Variants in LRRC4C observed in about 807,000 individuals in gnomAD.
The protein encoded by LRRC4C is leucine-rich repeat-containing protein 4C.
Under a neutral mutation model 33.6 loss-of-function variants are expected in LRRC4C, and 5 were observed. The observed-to-expected ratio is 0.15, with a 90% confidence interval of 0.08 to 0.31. The LOEUF is 0.31. LRRC4C is among the 10% of genes least tolerant of loss of function. The probability of loss-of-function intolerance (pLI) is 1.00; values close to 1 mark genes in which losing one functional copy is unlikely to be tolerated. For missense variants in LRRC4C, 560 were observed against 796.7 expected, an observed-to-expected ratio of 0.70 and a Z score of 3.58; for synonymous variants, 329 against 302.0, an observed-to-expected ratio of 1.09 and a Z score of -0.93.
At chr11:41,414,702 G>C (rs540709421) in intron 1 of LRRC4C, among the ~76,000 whole-genome samples, 2 of 152,082 alleles carry the variant, frequency 1.3e-5, no homozygotes, top group South Asian at 4.2e-4. Flanking sequence ...GGAGAGAAGT[G>C]GGGAGTAAAG....
chr11:40,806,880 A>G (rs1372069124), intron 2 of LRRC4C, among the ~76,000 whole-genome samples: 1 of 152,170 alleles, frequency 6.6e-6, no homozygotes, highest in Non-Finnish European at 1.5e-5. Flanking sequence ...CCAGTCTTGA[A>G]TTAAAAATGT....
At chr11:40,944,598 T>C (rs1465555914) in intron 1 of LRRC4C, among the ~76,000 whole-genome samples, 1 of 152,200 alleles carries the variant, frequency 6.6e-6, no homozygotes, top group Non-Finnish European at 1.5e-5. Context: ...CATGGGTTCT[T>C]GAACTGGATG....
chr11:40,872,007 G>A (rs1285860197), intron 2 of LRRC4C, among the ~76,000 whole-genome samples: 1 of 152,124 alleles, frequency 6.6e-6, no homozygotes, highest in African/African-American at 2.4e-5. Flanking sequence ...CTGGTTTCTA[G>A]TGCCAGAGCA....
At chr11:41,124,589 T>TA (rs1942646013) in intron 1 of LRRC4C, among the ~76,000 whole-genome samples, 1 of 123,432 alleles carries the variant, frequency 8.1e-6, no homozygotes, top group South Asian at 2.7e-4. Flanking sequence ...TTAAAATGCT[T>TA]TTTAAAAACT....
chr11:41,004,042 G>A (rs1206228223), intron 1 of LRRC4C, among the ~76,000 whole-genome samples: 1 of 151,998 alleles, frequency 6.6e-6, no homozygotes, highest in Non-Finnish European at 1.5e-5. Flanking sequence ...TAGAAAACAG[G>A]AAGTTTTCTT....
chr11:41,392,205 G>T (rs764712793), intron 1 of LRRC4C, among the ~76,000 whole-genome samples: 1 of 151,878 alleles, frequency 6.6e-6, no homozygotes, highest in African/African-American at 2.4e-5. Context: ...AGAATGACTT[G>T]CAGTGAGACT....
chr11:40,151,307 G>A (rs1858189207), intron 5 of LRRC4C, among the ~76,000 whole-genome samples: 1 of 152,044 alleles, frequency 6.6e-6, no homozygotes, highest in Admixed American at 6.5e-5. Flanking sequence ...TATTTAGATC[G>A]AGGTGATTGA....
At chr11:40,614,482 C>A (rs1017765961) in intron 3 of LRRC4C, among the ~76,000 whole-genome samples, 1 of 116,334 alleles carries the variant, frequency 8.6e-6, no homozygotes, top group Non-Finnish European at 2.0e-5. Flanking sequence ...GCCACTAGAA[C>A]TTTCTCCATA....
At chr11:40,463,745 T>G (rs1010074559) in intron 3 of LRRC4C, among the ~76,000 whole-genome samples, 1 of 152,090 alleles carries the variant, frequency 6.6e-6, no homozygotes, top group African/African-American at 2.4e-5. Flanking sequence ...TAGCTTCTTT[T>G]GGGGAATCAT....
intron 2 of LRRC4C, among the ~76,000 whole-genome samples, chr11:40,725,917 T>C (rs1014136576): frequency 6.6e-6 from 1 of 152,120 alleles, no homozygotes; most frequent in African/African-American, 2.4e-5. Context: ...TACTTATGTG[T>C]GAGCCAAGAA....
chr11:40,477,377 C>A (rs1317221524), intron 3 of LRRC4C, among the ~76,000 whole-genome samples: 1 of 152,108 alleles, frequency 6.6e-6, no homozygotes, highest in Non-Finnish European at 1.5e-5. Context: ...TACTTCCTCT[C>A]TGTAAGAAGC....
chr11:40,348,483 T>C (rs1285110513), intron 3 of LRRC4C, among the ~76,000 whole-genome samples: 1 of 152,082 alleles, frequency 6.6e-6, no homozygotes, highest in Non-Finnish European at 1.5e-5. Flanking sequence ...TCACGTGCAC[T>C]GGTGTAAACT....
intron 4 of LRRC4C, among the ~76,000 whole-genome samples, chr11:40,272,110 G>A (rs1942750155): frequency 6.6e-6 from 1 of 152,142 alleles, no homozygotes; most frequent in African/African-American, 2.4e-5. Context: ...GTTCCAGAAA[G>A]CTGAGAGGTT....
At chr11:40,241,022 T>C (rs1865893530) in intron 5 of LRRC4C, among the ~76,000 whole-genome samples, 1 of 152,190 alleles carries the variant, frequency 6.6e-6, no homozygotes, top group Non-Finnish European at 1.5e-5. Context: ...CGCTGTTGTT[T>C]AGGCATAAAA....
At chr11:40,338,061 C>A (rs11824686) in intron 3 of LRRC4C, among the ~76,000 whole-genome samples, 6,494 of 152,220 alleles carry the variant, frequency 0.043, 343 homozygotes, top group African/African-American at 0.13. Context: ...TAACCTTAAA[C>A]CCTATCACAT....
At chr11:40,662,144 A>G (rs1227135457) in intron 2 of LRRC4C, among the ~76,000 whole-genome samples, 2 of 152,192 alleles carry the variant, frequency 1.3e-5, no homozygotes, top group Non-Finnish European at 2.9e-5. Flanking sequence ...TCCTTCTATC[A>G]TCTGCATAAT....
chr11:41,011,972 G>A (rs1855233375), intron 1 of LRRC4C, among the ~76,000 whole-genome samples: 2 of 149,520 alleles, frequency 1.3e-5, no homozygotes, highest in East Asian at 3.9e-4. Context: ...CTTAATAGAT[G>A]TGTATATTTT....
intron 1 of LRRC4C, among the ~76,000 whole-genome samples, chr11:41,296,777 CT>C (rs2137048140): frequency 6.6e-6 from 1 of 152,252 alleles, no homozygotes; most frequent in South Asian, 2.1e-4. Context: ...CTGTCTCAAT[CT>C]TTATGTCCGG....
intron 3 of LRRC4C, among the ~76,000 whole-genome samples, chr11:40,464,587 C>T (rs540659224): frequency 5.3e-5 from 8 of 151,924 alleles, no homozygotes; most frequent in South Asian, 2.1e-4. Flanking sequence ...CTAAGGACTC[C>T]GACAAAAGAC....
Sources: allele counts gnomAD v4.1 joint callset (sites outside exome capture counted in the v4.1 genomes callset), GRCh38; gene constraint gnomAD v4.1.1; transcripts MANE v1.5; gene names NCBI Gene and HGNC (gene_info 2026-07-23, HGNC 2026-07-21).